Variants in SYNPR observed in about 807,000 individuals in gnomAD.
SYNPR encodes synaptoporin.
SYNPR carries 23 observed loss-of-function variants against 32.9 expected under a neutral mutation model. The observed-to-expected ratio is 0.70, with a 90% CI of 0.50 to 0.99. The LOEUF (loss-of-function observed/expected upper bound fraction) is 0.99, where lower values mean the gene tolerates loss of function less well. Among genes scored for constraint, SYNPR ranks in the 50% least tolerant of loss-of-function variants. The pLI is 0.00. For synonymous variants in SYNPR, 146 were observed against 135.9 expected, an observed-to-expected ratio of 1.07 and a Z score of -0.52; for missense variants, 318 against 349.3, an observed-to-expected ratio of 0.91 and a Z score of 0.71.
chr3:63,245,923 T>C (rs1008139452), intron 1 of SYNPR, among the ~76,000 whole-genome samples: 4 of 152,078 alleles, frequency 2.6e-5, no homozygotes, highest in Non-Finnish European at 2.9e-5. Flanking sequence ...AGTAATTTAA[T>C]TATCCTGTAT....
At chr3:63,373,999 A>C (rs1264821743) in intron 2 of SYNPR, among the ~76,000 whole-genome samples, 1 of 152,212 alleles carries the variant, frequency 6.6e-6, no homozygotes, top group Non-Finnish European at 1.5e-5. Context: ...TAAATGAAGG[A>C]GGAATCAGAT....
Position 63,615,320 on chromosome 3 carries a change from G to A in SYNPR, c.697G>A (p.Asp233Asn). Reference sequence around the variant, plus strand: ...TTCTTCGGGACAGAGATATCTTTCAGATCCAATGGAGAAGCACTCCAGCAG... The same window carrying A: ...TTCTTCGGGACAGAGATATCTTTCAAATCCAATGGAGAAGCACTCCAGCAG... ...WHSSGQRYLS[D>N]PMEKHSSSYN... The change falls in exon 6 of 6, where the codon GAT becomes AAT. Residue 233 changes from aspartate (D) to asparagine (N), a missense_variant. By Grantham distance (23) the Asp-to-Asn change is conservative (BLOSUM62 1). Coordinates refer to ENST00000478300, the MANE Select transcript of SYNPR (RefSeq NM_001130003.2). The A allele has an allele frequency of 6.2e-7, 1 of 1,613,848 alleles. No homozygotes were observed. The highest frequency in any genetic ancestry group is 8.5e-7 in the Non-Finnish European group (1 of 1,179,862).
At chr3:63,275,120 A>G (rs1457886459), upstream of SYNPR, among the ~76,000 whole-genome samples, 1 of 152,210 alleles carries the variant, frequency 6.6e-6, no homozygotes, top group African/African-American at 2.4e-5. Context: ...TAGATTCATC[A>G]TAGTAAGAGG....
At chr3:63,524,781 C>G (rs1391735856) in intron 3 of SYNPR, among the ~76,000 whole-genome samples, 1 of 151,322 alleles carries the variant, frequency 6.6e-6, no homozygotes, top group Non-Finnish European at 1.5e-5. Context: ...TTTTTTACTC[C>G]CAGCAGATTC....
At chr3:63,452,145 T>C (rs1347708060) in intron 2 of SYNPR, 1 of 701,566 alleles carries the variant, frequency 1.4e-6, no homozygotes, top group South Asian at 1.5e-5. Flanking sequence ...TGCTCACTCA[T>C]TCATTTGTTC....
the SYNPR span, among the ~76,000 whole-genome samples, chr3:63,219,267 C>A: frequency 6.6e-6 from 1 of 152,096 alleles, no homozygotes; most frequent in Non-Finnish European, 1.5e-5. Flanking sequence ...TGTAAGTCTG[C>A]GAGCAGGAAA....
chr3:63,362,076 C>T (rs1381490340), intron 2 of SYNPR, among the ~76,000 whole-genome samples: 1 of 152,136 alleles, frequency 6.6e-6, no homozygotes, highest in Non-Finnish European at 1.5e-5. Flanking sequence ...CATGCTCCTT[C>T]ATACAGGACC....
intron 2 of SYNPR, among the ~76,000 whole-genome samples, chr3:63,348,804 C>CA (rs2087470233): frequency 6.6e-6 from 1 of 152,106 alleles, no homozygotes; most frequent in Non-Finnish European, 1.5e-5. Flanking sequence ...TCCAGTATGT[C>CA]TTTTTTGTGA....
intron 3 of SYNPR, among the ~76,000 whole-genome samples, chr3:63,548,608 G>C (rs1453703674): frequency 6.6e-6 from 1 of 152,118 alleles, no homozygotes; most frequent in Non-Finnish European, 1.5e-5. Flanking sequence ...AGGGAAGAGA[G>C]GGATAAAAAT....
chr3:63,576,774 G>C (rs534603230), intron 4 of SYNPR, among the ~76,000 whole-genome samples: 40 of 141,168 alleles, frequency 2.8e-4, no homozygotes, highest in Non-Finnish European at 4.4e-4. Flanking sequence ...CTGGGCAACA[G>C]AGCAAGAATA....
chr3:63,588,985 C>G (rs550776881), intron 4 of SYNPR, among the ~76,000 whole-genome samples: 58 of 152,196 alleles, frequency 3.8e-4, no homozygotes, highest in Non-Finnish European at 6.8e-4. Context: ...ACCTACCTCT[C>G]CAGCAAATAG....
At chr3:63,433,865 G>A (rs1267667155) in intron 2 of SYNPR, among the ~76,000 whole-genome samples, 2 of 152,190 alleles carry the variant, frequency 1.3e-5, no homozygotes, top group Non-Finnish European at 1.5e-5. Flanking sequence ...TCAAAAGAGA[G>A]AGGTTTTTAC....
At chr3:63,293,408 TAA>T (rs1297469081) in intron 2 of SYNPR, among the ~76,000 whole-genome samples, 6 of 152,172 alleles carry the variant, frequency 3.9e-5, no homozygotes, top group African/African-American at 1.4e-4. Flanking sequence ...ATTAGTAAAT[TAA>T]AATTACCCAG....
At chr3:63,477,933 A>C (rs549114991) in intron 2 of SYNPR, among the ~76,000 whole-genome samples, 1 of 152,254 alleles carries the variant, frequency 6.6e-6, no homozygotes, top group Non-Finnish European at 1.5e-5. Context: ...ATGCGCCTGC[A>C]CTCTAAACTT....
chr3:63,487,049 C>A (rs183306418), intron 3 of SYNPR, among the ~76,000 whole-genome samples: 4 of 152,126 alleles, frequency 2.6e-5, no homozygotes, highest in Non-Finnish European at 5.9e-5. Flanking sequence ...AACCTTACAA[C>A]CTTTCTCCTC....
chr3:63,542,913 T>G (rs1039000053), intron 3 of SYNPR, among the ~76,000 whole-genome samples: 1 of 152,060 alleles, frequency 6.6e-6, no homozygotes, highest in Non-Finnish European at 1.5e-5. Context: ...TTGAGGGAAG[T>G]CAAAATTTAT....
At chr3:63,375,210 C>T (rs1334397201) in intron 2 of SYNPR, among the ~76,000 whole-genome samples, 2 of 152,108 alleles carry the variant, frequency 1.3e-5, no homozygotes, top group Non-Finnish European at 2.9e-5. Context: ...ACCCAGCAAT[C>T]CCATTACTGG....
chr3:63,403,950 G>A (rs2088325960), intron 2 of SYNPR, among the ~76,000 whole-genome samples: 1 of 152,124 alleles, frequency 6.6e-6, no homozygotes. Flanking sequence ...CATGTAGGGT[G>A]GATTTAATTT....
intron 3 of SYNPR, among the ~76,000 whole-genome samples, chr3:63,487,799 C>T (rs891201295): frequency 2.0e-5 from 3 of 152,138 alleles, no homozygotes; most frequent in Admixed American, 2.0e-4. Context: ...TAGCATAATC[C>T]TTGGGAGGTT....
Sources: allele counts gnomAD v4.1 joint callset (sites outside exome capture counted in the v4.1 genomes callset), GRCh38; gene constraint gnomAD v4.1.1; transcripts MANE v1.5; gene names NCBI Gene and HGNC (gene_info 2026-07-23, HGNC 2026-07-21).